Variants in ANTXR1 observed in about 807,000 individuals in gnomAD.
The protein encoded by ANTXR1 is ANTXR cell adhesion molecule 1, also known as anthrax toxin receptor 1.
Under a neutral mutation model 78.1 loss-of-function variants are expected in ANTXR1, and 19 were observed. The ratio of observed to expected loss-of-function variants is 0.24; its 90% CI spans 0.17 to 0.36. ANTXR1 has a LOEUF of 0.36. Among genes scored for constraint, ANTXR1 ranks in the 10% least tolerant of loss-of-function variants. The pLI, the probability that ANTXR1 is intolerant of heterozygous loss-of-function variation, is 1.00. For synonymous variants in ANTXR1, 273 were observed against 260.5 expected, an observed-to-expected ratio of 1.05 and a Z score of -0.46; for missense variants, 518 against 718.6, an observed-to-expected ratio of 0.72 and a Z score of 3.19.
Position 69,123,054 on chromosome 2 carries a change from G to C in ANTXR1, c.840G>C (p.Leu280=), listed in dbSNP as rs1328891292. The change falls in exon 11 of 18, where the codon CTG becomes CTC. Residue 280 remains leucine, a synonymous_variant. Coordinates refer to ENST00000303714, the MANE Select transcript of ANTXR1 (RefSeq NM_032208.3). ...TTTCTGTGGAAGATACTTATTTACT[G>C]TGTCCAGCGCCTATCTTAAAAGAAG... ...KPFSVEDTYL[L]CPAPILKEVG... 1.2e-6 allele frequency: 2 copies of C among 1,614,094 alleles called. No individual in the cohort carries two copies. Among genetic ancestry groups the C allele is most frequent in the Non-Finnish European group, 1.7e-6 (2 of 1,180,030 alleles).
rs374548472 is a variant in ANTXR1, at chr2:69,166,502, T to C, written c.1048-3746T>C. 1.4e-4 allele frequency among the ~76,000 whole-genome samples: 21 copies of C among 152,278 alleles called. 1 individual carries two copies. Among genetic ancestry groups the C allele is most frequent in the African/African-American group, 4.8e-4 (20 of 41,548 alleles). On this transcript the variant is annotated intron_variant, in intron 13 of 17. Transcript: ENST00000303714. ...GCAGCTATCCCAAGGAGGCAAATGG[T>C]CACTTTCTGCTTCTCTAAAATACCC...
intron 16 of ANTXR1, among the ~76,000 whole-genome samples, chr2:69,183,730 T>G (rs545639358): frequency 6.6e-6 from 1 of 152,208 alleles, no homozygotes; most frequent in Non-Finnish European, 1.5e-5. Context: ...GCCTCTTTTC[T>G]ATTCTTCTTG....
chr2:69,161,552 T>G (rs1456589504), intron 13 of ANTXR1, among the ~76,000 whole-genome samples: 5 of 152,194 alleles, frequency 3.3e-5, no homozygotes, highest in African/African-American at 4.8e-5. Flanking sequence ...AGTCATGAGG[T>G]CTCTATTCAA....
intron 2 of ANTXR1, among the ~76,000 whole-genome samples, chr2:69,041,693 TC>T (rs1159901063): frequency 2.0e-5 from 3 of 152,226 alleles, no homozygotes; most frequent in Non-Finnish European, 4.4e-5. Context: ...CTTTCTCAGT[TC>T]CCTCAGCAAT....
intron 17 of ANTXR1, among the ~76,000 whole-genome samples, chr2:69,193,924 C>A (rs1463266830): frequency 6.6e-6 from 1 of 152,284 alleles, no homozygotes; most frequent in South Asian, 2.1e-4. Context: ...TAGCCCAGGA[C>A]CAGAGGGATC....
At chr2:69,125,932 T>G (rs569187295) in intron 12 of ANTXR1, among the ~76,000 whole-genome samples, 5 of 152,222 alleles carry the variant, frequency 3.3e-5, no homozygotes, top group African/African-American at 1.2e-4. Context: ...CTGAATACAT[T>G]TCTCCATTAG....
intron 12 of ANTXR1, among the ~76,000 whole-genome samples, chr2:69,137,440 A>T (rs1672943983): frequency 6.6e-6 from 1 of 152,006 alleles, no homozygotes; most frequent in Admixed American, 6.6e-5. Context: ...CATTTATGCC[A>T]CCTCCTGGGT....
chr2:69,090,725 C>T (rs1020045595), intron 8 of ANTXR1, 134 bp from the exon 9 acceptor site: 1 of 774,694 alleles, frequency 1.3e-6, no homozygotes, highest in Non-Finnish European at 2.2e-6. Flanking sequence ...AGATGTTAGA[C>T]TCCTCGCACC....
chr2:69,147,593 CTTAGTCT>C (rs1673264118), intron 12 of ANTXR1, among the ~76,000 whole-genome samples: 2 of 152,190 alleles, frequency 1.3e-5, no homozygotes, highest in South Asian at 2.1e-4. Context: ...GTTGCATCTG[CTTAGTCT>C]TTAAAGTATA....
At chr2:69,190,402 G>A (rs1041614463) in intron 16 of ANTXR1, among the ~76,000 whole-genome samples, 1 of 152,180 alleles carries the variant, frequency 6.6e-6, no homozygotes, top group Non-Finnish European at 1.5e-5. Context: ...TGCTTACAAA[G>A]TTCAAATTGC....
At chr2:69,167,678 T>G (rs1673866480) in intron 13 of ANTXR1, among the ~76,000 whole-genome samples, 1 of 152,178 alleles carries the variant, frequency 6.6e-6, no homozygotes. Context: ...TGAGAAGACT[T>G]CCTGCCCATT....
At chr2:69,072,429 T>C (rs1193705118) in intron 5 of ANTXR1, among the ~76,000 whole-genome samples, 1 of 152,162 alleles carries the variant, frequency 6.6e-6, no homozygotes, top group Non-Finnish European at 1.5e-5. Context: ...CATCCTAAAC[T>C]GCAACAAACA....
intron 2 of ANTXR1, 103 bp downstream of exon 2, chr2:69,040,218 T>C: frequency 9.7e-7 from 1 of 1,025,838 alleles, no homozygotes; most frequent in Non-Finnish European, 1.5e-6. Context: ...GGGGATGTTT[T>C]TTGACTAAGT....
chr2:69,065,761 G>A (rs962018166), intron 3 of ANTXR1, among the ~76,000 whole-genome samples: 3 of 152,146 alleles, frequency 2.0e-5, no homozygotes, highest in South Asian at 4.1e-4. Context: ...GATTACAATT[G>A]GTTGTAGAAC....
chr2:69,052,283 T>C (rs926147294), intron 3 of ANTXR1, among the ~76,000 whole-genome samples: 10 of 152,082 alleles, frequency 6.6e-5, no homozygotes, highest in Admixed American at 5.2e-4. Context: ...GTTTGCTAAG[T>C]CTTTTTTTTA....
At position 69,040,148 on chromosome 2, in the gene ANTXR1, G is replaced by A. The variant is rs144443231; in HGVS notation, c.224+33G>A. ...ACACTATGCATTTTGTTCACTTGTA[G>A]TTCTCTGTCATGAGTCAAACTAGTC... On this transcript the variant is annotated intron_variant, in intron 2 of 17. Transcript: ENST00000303714. 2.9e-4 allele frequency: 456 copies of A among 1,589,880 alleles called. No individual in the cohort carries two copies. The African/African-American group carries it at 3.5e-3, about 12-fold the overall frequency.
At chr2:69,225,029 T>C (rs1190983856) in intron 17 of ANTXR1, among the ~76,000 whole-genome samples, 1 of 152,014 alleles carries the variant, frequency 6.6e-6, no homozygotes, top group African/African-American at 2.4e-5. Flanking sequence ...TGTGCTGACC[T>C]CCTGGCCAGC....
intron 14 of ANTXR1, chr2:69,172,472 AG>A: frequency 6.5e-7 from 1 of 1,541,400 alleles, no homozygotes; most frequent in Non-Finnish European, 8.7e-7. Context: ...TGAAAATCAT[AG>A]TCTCAATCTA....
chr2:69,247,859 A>G lies in ANTXR1; in HGVS notation c.*2374A>G, dbSNP rs1676055971. 6.6e-6 allele frequency: 1 copy of G among 152,280 alleles called. No homozygotes were observed. The highest frequency in any genetic ancestry group is 6.5e-5 in the Admixed American group (1 of 15,280). The allele number at this position is 152,280 out of a possible 1,614,324, so 9.4% of individuals were successfully genotyped here. ...ATGCACCATTCAGCACATCAGTCATATGCCCAGTGCAGTTACAAGATGTTG... is the reference window on the plus strand; with the variant it reads ...ATGCACCATTCAGCACATCAGTCATGTGCCCAGTGCAGTTACAAGATGTTG... On this transcript the variant is annotated 3_prime_UTR_variant, in exon 18 of 18. Coordinates refer to ENST00000303714, the MANE Select transcript of ANTXR1 (RefSeq NM_032208.3).
Sources: gnomAD v4.1 joint callset for allele counts (sites outside exome capture counted in the v4.1 genomes callset) on GRCh38, gnomAD v4.1.1 for gene constraint, MANE v1.5 for transcripts, NCBI Gene and HGNC (gene_info 2026-07-23, HGNC 2026-07-21) for gene names.